Variants in ATP8B1 observed in about 807,000 individuals in gnomAD.
ATP8B1 encodes phospholipid-transporting ATPase IC.
ATP8B1 carries 80 observed loss-of-function variants against 149.9 expected under a neutral mutation model. That is an observed-to-expected ratio of 0.53 (90% confidence interval 0.45 to 0.64). The LOEUF is 0.64. Among genes scored for constraint, ATP8B1 ranks in the 30% least tolerant of loss-of-function variants. The pLI, the probability that ATP8B1 is intolerant of heterozygous loss-of-function variation, is 0.00. For missense variants in ATP8B1, 1,247 were observed against 1,552.6 expected (o/e 0.80, Z 3.31); for synonymous variants, 536 against 562.8 (o/e 0.95, Z 0.67).
At chr18:57,758,839 TA>T (rs1311978803) in intron 1 of ATP8B1, among the ~76,000 whole-genome samples, 2 of 151,954 alleles carry the variant, frequency 1.3e-5, no homozygotes, top group South Asian at 2.1e-4. Flanking sequence ...TGTCTATGTA[TA>T]AATCATTTTC....
Position 57,661,294 on chromosome 18 carries a change from C to T in ATP8B1, c.2587G>A (p.Val863Ile). ...FVDLACECSAVICCRVTPKQK... is the reference protein window; with the variant it reads ...FVDLACECSAIICCRVTPKQK... ...TTGGGGGTGACGCGGCAGCAGATGA[C>T]TGCGCTGCACTCGCAGGCCAGGTCC... Residue 863 changes from valine to isoleucine, a missense_variant, in exon 22 of 28, where the codon GTC becomes ATC. This residue lies in a region of ATP8B1 where 230 missense variants were observed against 356.6 expected (regional missense o/e 0.65). Transcript: ENST00000648908. 6.2e-7 allele frequency: 1 copy of T among 1,614,020 alleles called. No homozygotes were observed. The highest frequency in any genetic ancestry group is 8.5e-7 in the Non-Finnish European group (1 of 1,180,024).
At chr18:57,790,078 G>T (rs896030133) in intron 1 of ATP8B1, among the ~76,000 whole-genome samples, 25 of 152,272 alleles carry the variant, frequency 1.6e-4, no homozygotes, top group African/African-American at 5.8e-4. Context: ...ATCACCTTTA[G>T]TCGCTTATGT....
intron 2 of ATP8B1, among the ~76,000 whole-genome samples, chr18:57,708,864 A>G (rs1238583260): frequency 6.6e-6 from 1 of 152,134 alleles, no homozygotes. Flanking sequence ...TGGTCCCAGC[A>G]CTATACCCTC....
chr18:57,706,527 T>A lies in ATP8B1; in HGVS notation c.242A>T (p.Asn81Ile). 1 of 1,614,106 alleles carries A rather than the reference T, an allele frequency of 6.2e-7. No homozygotes were observed. The highest frequency in any genetic ancestry group is 8.5e-7 in the Non-Finnish European group (1 of 1,179,982). ...CTCCTTAATACACAAGAATTTTGTG[T>A]TCATAAAGTGAGGTTGTTCGTGGTA... Reference protein sequence around the residue: ...RKYHEQPHFMNTKFLCIKESK... With the variant: ...RKYHEQPHFMITKFLCIKESK... The change falls in exon 3 of 28, where the codon AAC becomes ATC. Residue 81 changes from asparagine to isoleucine, a missense_variant. Physicochemically the swap from Asn to Ile is moderately radical, Grantham distance 149. Around this residue, in one of 3 missense-constraint regions of ATP8B1, gnomAD observed 853 missense variants for 1,035.7 expected, o/e 0.82. Transcript: ENST00000648908.
At position 57,758,367 on chromosome 18, in the gene ATP8B1, G is replaced by A. The variant is rs559501452; in HGVS notation, c.-25-26535C>T. On this transcript the variant is annotated intron_variant, in intron 1 of 27. Transcript: ENST00000648908. Reference sequence around the variant, plus strand: ...ACAAAGATAAGAAGATAGGCCAGGCGCGGTGCCTCACGCCTGTAATCCTAG... The same window carrying A: ...ACAAAGATAAGAAGATAGGCCAGGCACGGTGCCTCACGCCTGTAATCCTAG... Among the ~76,000 whole-genome samples the A allele has an allele frequency of 2.6e-4, 39 of 152,086 alleles. 1 individual carries two copies. The South Asian group carries it at 7.0e-3, about 27-fold the overall frequency.
At chr18:57,670,677 A>G (rs1911171641) in intron 17 of ATP8B1, among the ~76,000 whole-genome samples, 1 of 151,692 alleles carries the variant, frequency 6.6e-6, no homozygotes, top group Non-Finnish European at 1.5e-5. Flanking sequence ...CAGTTTCAAC[A>G]TGAACCAGTA....
intron 11 of ATP8B1, 90 bp downstream of exon 11, chr18:57,694,492 G>T: frequency 1.1e-6 from 1 of 912,580 alleles, no homozygotes; most frequent in Non-Finnish European, 1.7e-6. Flanking sequence ...ACCTAAAGAG[G>T]TAAGATTTTG....
chr18:57,779,145 A>G (rs752082718), intron 1 of ATP8B1, among the ~76,000 whole-genome samples: 1 of 152,066 alleles, frequency 6.6e-6, no homozygotes, highest in African/African-American at 2.4e-5. Flanking sequence ...CAACATAGCA[A>G]AACCCCATCT....
At chr18:57,677,829 C>T (rs895486285) in intron 15 of ATP8B1, among the ~76,000 whole-genome samples, 4 of 152,004 alleles carry the variant, frequency 2.6e-5, no homozygotes, top group African/African-American at 9.7e-5. Context: ...CGATATATGG[C>T]ATAATATTGA....
At chr18:57,696,171 C>T (rs1912797231) in intron 8 of ATP8B1, among the ~76,000 whole-genome samples, 1 of 152,172 alleles carries the variant, frequency 6.6e-6, no homozygotes, top group Non-Finnish European at 1.5e-5. Flanking sequence ...CATTCTCAAC[C>T]TCACCATTCT....
At chr18:57,699,879 C>T (rs1913033115) in intron 6 of ATP8B1, among the ~76,000 whole-genome samples, 1 of 152,140 alleles carries the variant, frequency 6.6e-6, no homozygotes, top group African/African-American at 2.4e-5. Flanking sequence ...CTGTACCATA[C>T]CTACCTACAC....
chr18:57,698,300 C>A (rs995973567), intron 6 of ATP8B1, among the ~76,000 whole-genome samples: 10 of 152,010 alleles, frequency 6.6e-5, no homozygotes, highest in Non-Finnish European at 1.5e-4. Flanking sequence ...GGCTTCAGAG[C>A]TTGCCTACTC....
intron 1 of ATP8B1, among the ~76,000 whole-genome samples, chr18:57,795,943 C>A (rs1367687514): frequency 2.0e-5 from 3 of 151,584 alleles, no homozygotes; most frequent in East Asian, 3.9e-4. Flanking sequence ...CTAAGGTGGG[C>A]AGATCACTTG....
intron 1 of ATP8B1, among the ~76,000 whole-genome samples, chr18:57,778,615 G>T (rs1483342309): frequency 6.6e-6 from 1 of 152,176 alleles, no homozygotes; most frequent in Non-Finnish European, 1.5e-5. Flanking sequence ...AGCCAGAGCT[G>T]CAGTCACCTA....
At chr18:57,791,346 C>CTTTTTTTTT (rs1473257768) in intron 1 of ATP8B1, among the ~76,000 whole-genome samples, 36 of 124,966 alleles carry the variant, frequency 2.9e-4, no homozygotes, top group African/African-American at 1.1e-3. Flanking sequence ...TTTTTCTTTT[C>CTTTTTTTTT]TTTTCTTTTT....
chr18:57,713,621 G>T lies in ATP8B1; in HGVS notation c.182-7034C>A, dbSNP rs559869375. Among the ~76,000 whole-genome samples the T allele has an allele frequency of 1.6e-4, 25 of 151,724 alleles. 1 individual carries two copies. The South Asian group carries it at 4.2e-3, about 25-fold the overall frequency. ...TTCTCCTGCCTCAGCCTCCCGAGTA[G>T]CTGGGATTAGAGGTGTGTGCCACCA... On this transcript the variant is annotated intron_variant, in intron 2 of 27. Coordinates refer to ENST00000648908, the MANE Select transcript of ATP8B1 (RefSeq NM_001374385.1).
chr18:57,753,015 C>G (rs537047234), intron 1 of ATP8B1, among the ~76,000 whole-genome samples: 2 of 152,238 alleles, frequency 1.3e-5, no homozygotes, highest in Admixed American at 1.3e-4. Context: ...TCTCCGGCCC[C>G]CAGGGTAAGG....
intron 1 of ATP8B1, chr18:57,740,959 T>C (rs1255261913): frequency 6.6e-6 from 1 of 152,122 alleles, no homozygotes; most frequent in Non-Finnish European, 1.5e-5. Context: ...TTTTTTGAGA[T>C]GGAGTCTTGC....
intron 2 of ATP8B1, among the ~76,000 whole-genome samples, chr18:57,720,078 C>G (rs1416079277): frequency 6.6e-6 from 1 of 151,850 alleles, no homozygotes; most frequent in Non-Finnish European, 1.5e-5. Context: ...AGGACATCCA[C>G]ACAGAAAACC....
Sources: gnomAD v4.1 joint callset for allele counts (sites outside exome capture counted in the v4.1 genomes callset) on GRCh38, gnomAD v4.1.1 for gene constraint, gnomAD v4.1.1 regional missense constraint, MANE v1.5 for transcripts, NCBI Gene and HGNC (gene_info 2026-07-23, HGNC 2026-07-21) for gene names.